Variants in NRXN3 observed in about 807,000 individuals in gnomAD.
NRXN3 encodes neurexin 3.
In NRXN3, 32 loss-of-function variants were observed where a neutral mutation model predicts 137.6. The observed-to-expected ratio is 0.23, with a 90% confidence interval of 0.18 to 0.31. The LOEUF is 0.31. Ranked by LOEUF, NRXN3 falls within the 10% of genes least tolerant of loss-of-function variation. NRXN3 has a pLI of 1.00. For synonymous variants in NRXN3, 798 were observed against 784.5 expected (o/e 1.02, Z -0.29); for missense variants, 1,574 against 2,062.5 (o/e 0.76, Z 4.59).
At chr14:79,653,446 A>G (rs577549019) in intron 16 of NRXN3, among the ~76,000 whole-genome samples, 1 of 152,332 alleles carries the variant, frequency 6.6e-6, no homozygotes. Flanking sequence ...ACATTTTCCA[A>G]ACGAAATGTG....
rs999814967 is a variant in NRXN3 at position 78,537,851 on chromosome 14, A to G, written c.758-107269A>G. 1.4e-4 allele frequency among the ~76,000 whole-genome samples: 22 copies of G among 152,154 alleles called. 1 individual carries two copies. Among genetic ancestry groups the G allele is most frequent in the Admixed American group, 3.3e-4 (5 of 15,284 alleles). On this transcript the variant is annotated intron_variant, in intron 4 of 20. Transcript: ENST00000335750. Reference sequence around the variant, plus strand: ...ATGGCTAGCCAGTTTTCCCAGCACCATTTATTAAATAGGGAATCCTTTCCC... The same window carrying G: ...ATGGCTAGCCAGTTTTCCCAGCACCGTTTATTAAATAGGGAATCCTTTCCC...
intron 2 of NRXN3, among the ~76,000 whole-genome samples, chr14:78,274,269 A>G (rs1439135149): frequency 6.6e-6 from 1 of 151,980 alleles, no homozygotes. Context: ...GGTTTGATTG[A>G]CTCTCAGTTC....
intron 10 of NRXN3, among the ~76,000 whole-genome samples, chr14:78,872,213 T>C (rs1281727471): frequency 6.7e-6 from 1 of 148,972 alleles, no homozygotes; most frequent in Non-Finnish European, 1.5e-5. Context: ...TTTTGTTGAA[T>C]AAATCTTTGC....
rs539782080 is a variant in NRXN3, at chr14:79,862,098, G to A, written c.*134G>A. 2.7e-6 allele frequency: 2 copies of A among 745,206 alleles called. No individual in the cohort carries two copies. Among genetic ancestry groups the A allele is most frequent in the Non-Finnish European group, 4.3e-6 (2 of 460,536 alleles). 46.2% of individuals were successfully genotyped at this position (745,206 alleles called of 1,614,324 possible). On this transcript the variant is annotated 3_prime_UTR_variant, in exon 21 of 21. Coordinates refer to ENST00000335750, the MANE Select transcript of NRXN3 (RefSeq NM_001330195.2). ...TGGGGTATATAACCACGACTCTGGT[G>A]GGGAAAACCGTTTTTTAAAGGACAC...
At chr14:78,956,025 C>G (rs943168859) in intron 10 of NRXN3, among the ~76,000 whole-genome samples, 2 of 152,144 alleles carry the variant, frequency 1.3e-5, no homozygotes, top group African/African-American at 4.8e-5. Flanking sequence ...ATGTACTTGG[C>G]CCTGTGCTCA....
intron 10 of NRXN3, among the ~76,000 whole-genome samples, chr14:78,863,377 C>T (rs1427948899): frequency 3.3e-5 from 5 of 152,074 alleles, no homozygotes; most frequent in Non-Finnish European, 5.9e-5. Flanking sequence ...GCAACTCAGT[C>T]CCCTTAGTCT....
intron 16 of NRXN3, among the ~76,000 whole-genome samples, chr14:79,497,818 C>T (rs148435258): frequency 0.096 from 14,524 of 152,024 alleles, 824 homozygotes; most frequent in South Asian, 0.23. Context: ...GGGTGGATCA[C>T]GAGGTCAGGA....
chr14:79,278,669 T>A (rs1882191743), intron 15 of NRXN3, among the ~76,000 whole-genome samples: 1 of 152,180 alleles, frequency 6.6e-6, no homozygotes, highest in South Asian at 2.1e-4. Flanking sequence ...GGATTTTGAA[T>A]CCCAACAGTG....
At chr14:79,827,003 T>C (rs1397274959) in intron 20 of NRXN3, among the ~76,000 whole-genome samples, 20 of 152,124 alleles carry the variant, frequency 1.3e-4, no homozygotes, top group Admixed American at 1.2e-3. Flanking sequence ...ACGGATATAA[T>C]AGTCTGACAA....
chr14:78,222,785 A>G (rs1458156355), intron 1 of NRXN3, among the ~76,000 whole-genome samples: 1 of 152,112 alleles, frequency 6.6e-6, no homozygotes, highest in Non-Finnish European at 1.5e-5. Context: ...GCCTCTCACT[A>G]CTTTTTGAAG....
At chr14:79,472,039 G>A (rs2096516581) in intron 16 of NRXN3, among the ~76,000 whole-genome samples, 1 of 151,978 alleles carries the variant, frequency 6.6e-6, no homozygotes, top group South Asian at 2.1e-4. Context: ...TCTCCTCTAT[G>A]TGTCCATGTG....
intron 19 of NRXN3, among the ~76,000 whole-genome samples, chr14:79,770,778 G>T (rs2099074862): frequency 6.6e-6 from 1 of 151,316 alleles, no homozygotes; most frequent in Non-Finnish European, 1.5e-5. Context: ...TAAAATCAGA[G>T]CAGAACTGAA....
At chr14:78,279,062 C>T (rs1368715177) in intron 3 of NRXN3, among the ~76,000 whole-genome samples, 6 of 152,168 alleles carry the variant, frequency 3.9e-5, no homozygotes, top group Non-Finnish European at 7.3e-5. Flanking sequence ...ATATGACATA[C>T]GTAGCATGGA....
At chr14:79,175,471 T>C (rs527414208) in intron 15 of NRXN3, among the ~76,000 whole-genome samples, 1 of 152,330 alleles carries the variant, frequency 6.6e-6, no homozygotes, top group East Asian at 1.9e-4. Context: ...CAAGTATCCA[T>C]TGCACGTGCT....
chr14:79,773,545 G>A (rs921130796), intron 19 of NRXN3, among the ~76,000 whole-genome samples: 9 of 146,378 alleles, frequency 6.1e-5, no homozygotes, highest in African/African-American at 2.0e-4. Context: ...ACCAAACACC[G>A]CATATTCTCA....
intron 9 of NRXN3, among the ~76,000 whole-genome samples, chr14:78,807,957 A>C (rs1359916054): frequency 6.6e-6 from 1 of 151,860 alleles, no homozygotes; most frequent in African/African-American, 2.4e-5. Context: ...TGCCTTCCCA[A>C]CTCAGTTCTT....
rs201919715 is a variant in NRXN3, at chr14:79,551,741, T to G, written c.3444+84339T>G. On this transcript the variant is annotated intron_variant, in intron 16 of 20. Transcript: ENST00000335750. ...AAATGCGCAGAGGGGAGGGGAATAG[T>G]ACACCCTGGGAAGTACAGGGAGCAG... 2.0e-5 allele frequency among the ~76,000 whole-genome samples: 3 copies of G among 152,264 alleles called. No individual in the cohort carries two copies. In the East Asian group the frequency reaches 5.8e-4, roughly 29 times the overall value.
At chr14:79,688,179 G>A (rs188050446) in intron 17 of NRXN3, among the ~76,000 whole-genome samples, 6 of 152,176 alleles carry the variant, frequency 3.9e-5, no homozygotes, top group South Asian at 2.1e-4. Flanking sequence ...GAAAAGAGTC[G>A]AGTCATATTA....
At chr14:79,483,750 T>G (rs2096629299) in intron 16 of NRXN3, among the ~76,000 whole-genome samples, 1 of 152,096 alleles carries the variant, frequency 6.6e-6, no homozygotes. Context: ...GCAGTTCATT[T>G]CACACAGTGG....
Sources: allele counts gnomAD v4.1 joint callset (sites outside exome capture counted in the v4.1 genomes callset), GRCh38; gene constraint gnomAD v4.1.1; transcripts MANE v1.5; gene names NCBI Gene and HGNC (gene_info 2026-07-23, HGNC 2026-07-21).